The following NCK2 variants were observed in gnomAD, a reference collection of about 807,000 sequenced individuals.
NCK2 encodes NCK adaptor protein 2, also known as cytoplasmic protein NCK2.
In NCK2, 16 loss-of-function variants were observed where a neutral mutation model predicts 33.9. That is an observed-to-expected ratio of 0.47 (90% CI 0.32 to 0.72). The LOEUF is 0.72. Ranked by LOEUF, NCK2 falls within the 30% of genes least tolerant of loss-of-function variation. The probability of loss-of-function intolerance (pLI) is 0.03; values close to 1 mark genes in which losing one functional copy is unlikely to be tolerated. For missense variants in NCK2, 418 were observed against 537.3 expected (o/e 0.78, Z 2.19); for synonymous variants, 273 against 239.9 (o/e 1.14, Z -1.27).
At chr2:105,852,969 TC>T (rs550578634) in intron 2 of NCK2, among the ~76,000 whole-genome samples, 178 of 152,310 alleles carry the variant, frequency 1.2e-3, no homozygotes, top group Middle Eastern at 6.8e-3. Context: ...GGAAGTTAAT[TC>T]ATGAAAGAAA....
chr2:105,879,250 C>T (rs1440658811), intron 3 of NCK2, among the ~76,000 whole-genome samples: 1 of 152,238 alleles, frequency 6.6e-6, no homozygotes, highest in Non-Finnish European at 1.5e-5. Flanking sequence ...TAAAAGTTGG[C>T]CTCAGCGTAG....
chr2:105,832,839 CTCT>C (rs748592885), intron 2 of NCK2, among the ~76,000 whole-genome samples: 27 of 135,606 alleles, frequency 2.0e-4, no homozygotes, highest in Non-Finnish European at 3.1e-4. Flanking sequence ...AGGAAGAATT[CTCT>C]TCTCTTTTTT....
chr2:105,765,122 A>G (rs1217138565), intron 1 of NCK2, among the ~76,000 whole-genome samples: 1 of 152,078 alleles, frequency 6.6e-6, no homozygotes, highest in African/African-American at 2.4e-5. Context: ...ACGCCCTTAC[A>G]AAGGGTTATG....
At chr2:105,818,328 A>G (rs1278570457) in intron 2 of NCK2, among the ~76,000 whole-genome samples, 1 of 148,172 alleles carries the variant, frequency 6.7e-6, no homozygotes, top group Non-Finnish European at 1.5e-5. Flanking sequence ...ACCTAATGTA[A>G]ATGACGAGTT....
chr2:105,888,495 C>T (rs559427598), intron 4 of NCK2, among the ~76,000 whole-genome samples: 17 of 152,256 alleles, frequency 1.1e-4, no homozygotes, highest in Non-Finnish European at 1.5e-4. Flanking sequence ...TTTCAAAACC[C>T]GGGGACTGAG....
chr2:105,859,266 T>C (rs1677418347), intron 3 of NCK2, among the ~76,000 whole-genome samples: 1 of 152,196 alleles, frequency 6.6e-6, no homozygotes, highest in Non-Finnish European at 1.5e-5. Context: ...CTCTTTTCGG[T>C]GGTTAACATA....
chr2:105,761,566 T>C (rs567089081), intron 1 of NCK2, among the ~76,000 whole-genome samples: 9 of 152,290 alleles, frequency 5.9e-5, no homozygotes, highest in African/African-American at 2.2e-4. Flanking sequence ...TAATGCATTT[T>C]GTTTATTAAA....
chr2:105,851,482 C>T (rs1175340188), intron 2 of NCK2, among the ~76,000 whole-genome samples: 1 of 152,166 alleles, frequency 6.6e-6, no homozygotes, highest in Non-Finnish European at 1.5e-5. Flanking sequence ...TGGTTTCCAT[C>T]TCCTGACCTC....
chr2:105,849,036 G>A (rs1415662335), intron 2 of NCK2, among the ~76,000 whole-genome samples: 1 of 152,106 alleles, frequency 6.6e-6, no homozygotes, highest in Non-Finnish European at 1.5e-5. Flanking sequence ...TTAATATCCT[G>A]GAAGTAACAT....
intron 4 of NCK2, among the ~76,000 whole-genome samples, chr2:105,887,413 AAGG>A (rs1678762442): frequency 6.6e-6 from 1 of 152,194 alleles, no homozygotes; most frequent in African/African-American, 2.4e-5. Flanking sequence ...CTGGGGGTAG[AAGG>A]AGATGTGTAG....
At chr2:105,860,149 G>A (rs1390148769) in intron 3 of NCK2, among the ~76,000 whole-genome samples, 1 of 151,988 alleles carries the variant, frequency 6.6e-6, no homozygotes, top group Non-Finnish European at 1.5e-5. Context: ...AATAGAGCAT[G>A]GTGTCATGTG....
intron 1 of NCK2, among the ~76,000 whole-genome samples, chr2:105,776,301 T>G (rs1407127721): frequency 6.6e-6 from 1 of 152,250 alleles, no homozygotes; most frequent in African/African-American, 2.4e-5. Context: ...GCCCTTTATT[T>G]CTATAAGTCC....
At chr2:105,874,084 A>T (rs1268241408) in intron 3 of NCK2, among the ~76,000 whole-genome samples, 3 of 152,206 alleles carry the variant, frequency 2.0e-5, no homozygotes, top group Non-Finnish European at 2.9e-5. Flanking sequence ...ACAGATTAAG[A>T]CAATAGAACC....
intron 3 of NCK2, among the ~76,000 whole-genome samples, chr2:105,876,807 A>G (rs1678252898): frequency 6.6e-6 from 1 of 152,174 alleles, no homozygotes; most frequent in Admixed American, 6.5e-5. Flanking sequence ...GAATGAAAGG[A>G]AACTGGGATC....
intron 2 of NCK2, among the ~76,000 whole-genome samples, chr2:105,835,393 A>ATATATATATATATATATATATGTGTG (rs371518634): frequency 0.011 from 559 of 51,654 alleles, 63 homozygotes; most frequent in East Asian, 0.051. Context: ...ATACACATAT[A>ATATATATATATATATATATATGTGTG]TATATATATA....
chr2:105,756,361 C>T (rs1689599203), intron 1 of NCK2, among the ~76,000 whole-genome samples: 1 of 152,212 alleles, frequency 6.6e-6, no homozygotes, highest in African/African-American at 2.4e-5. Context: ...CTTCAGTCAT[C>T]CTATCTCATA....
chr2:105,874,451 C>T (rs1431402891), intron 3 of NCK2, among the ~76,000 whole-genome samples: 3 of 152,196 alleles, frequency 2.0e-5, no homozygotes, highest in Admixed American at 6.5e-5. Flanking sequence ...GTGGGGGAAA[C>T]CCCCACAGAT....
At chr2:105,875,909 G>A (rs1171060417) in intron 3 of NCK2, among the ~76,000 whole-genome samples, 1 of 152,168 alleles carries the variant, frequency 6.6e-6, no homozygotes, top group African/African-American at 2.4e-5. Flanking sequence ...GCTTTTCAGT[G>A]TAAGAGTTAA....
chr2:105,872,410 A>G (rs1678052912), intron 3 of NCK2, among the ~76,000 whole-genome samples: 1 of 152,092 alleles, frequency 6.6e-6, no homozygotes, highest in African/African-American at 2.4e-5. Context: ...TGCCACGGGT[A>G]CTTCCTGTCC....
Sources: allele counts gnomAD v4.1 joint callset (sites outside exome capture counted in the v4.1 genomes callset), GRCh38; gene constraint gnomAD v4.1.1; transcripts MANE v1.5; gene names NCBI Gene and HGNC (gene_info 2026-07-23, HGNC 2026-07-21).